Variants in TXNDC5 observed in about 807,000 individuals in gnomAD.
TXNDC5 encodes thioredoxin domain-containing protein 5.
TXNDC5 carries 44 observed loss-of-function variants against 52.6 expected under a neutral mutation model. The ratio of observed to expected loss-of-function variants is 0.84; its 90% CI spans 0.66 to 1.08. TXNDC5 has a LOEUF of 1.08. Ranked by LOEUF, TXNDC5 falls within the 50% of genes least tolerant of loss-of-function variation. The probability of loss-of-function intolerance (pLI) is 0.00; values close to 1 mark genes in which losing one functional copy is unlikely to be tolerated. For synonymous variants in TXNDC5, 241 were observed against 234.4 expected, an observed-to-expected ratio of 1.03 and a Z score of -0.26; for missense variants, 600 against 565.5, an observed-to-expected ratio of 1.06 and a Z score of -0.62.
Position 7,882,070 on chromosome 6 carries a change from C to T in TXNDC5, c.*1074G>A, listed in dbSNP as rs188067697. 124 of 152,810 alleles carry T rather than the reference C, an allele frequency of 8.1e-4. No homozygotes were observed. Among genetic ancestry groups the T allele is most frequent in the African/African-American group, 2.9e-3 (121 of 41,564 alleles). 9.5% of individuals were successfully genotyped at this position (152,810 alleles called of 1,614,324 possible). Reference sequence around the variant, plus strand: ...GCCAGAGCAGCCCACTGACATCTGTCTTTGGTCTTGAGATCAAATGCATCC... The same window carrying T: ...GCCAGAGCAGCCCACTGACATCTGTTTTTGGTCTTGAGATCAAATGCATCC... On this transcript the variant is annotated 3_prime_UTR_variant, in exon 10 of 10. Transcript: ENST00000379757.
chr6:7,899,793 CATGT>C, intron 2 of TXNDC5, 112 bp from the exon 3 acceptor site: 1 of 661,274 alleles, frequency 1.5e-6, no homozygotes, highest in Non-Finnish European at 2.6e-6. Context: ...TGCAGCCAGG[CATGT>C]ATCTGCTCCT....
chr6:7,897,445 G>C (rs1760411808), intron 3 of TXNDC5, among the ~76,000 whole-genome samples: 1 of 152,148 alleles, frequency 6.6e-6, no homozygotes, highest in Non-Finnish European at 1.5e-5. Context: ...AGAGAATTCT[G>C]GTTTGCAGTA....
chr6:7,908,985 T>C (rs1181028826), intron 1 of TXNDC5, among the ~76,000 whole-genome samples: 1 of 152,244 alleles, frequency 6.6e-6, no homozygotes, highest in Non-Finnish European at 1.5e-5. Context: ...ACTGCCTGAT[T>C]GTTTTATGTT....
chr6:7,905,323 C>T (rs929756956), intron 1 of TXNDC5, among the ~76,000 whole-genome samples: 7 of 152,144 alleles, frequency 4.6e-5, no homozygotes, highest in East Asian at 1.9e-4. Flanking sequence ...TACTTTTATT[C>T]GTCAAGTCTC....
chr6:7,889,785 G>A (rs561408283), intron 5 of TXNDC5, among the ~76,000 whole-genome samples: 3 of 152,334 alleles, frequency 2.0e-5, no homozygotes, highest in African/African-American at 7.2e-5. Flanking sequence ...GTAAAGGAAA[G>A]ACTTTAGAGG....
At chr6:7,893,046 T>C (rs918291563) in intron 4 of TXNDC5, among the ~76,000 whole-genome samples, 1 of 152,204 alleles carries the variant, frequency 6.6e-6, no homozygotes, top group Non-Finnish European at 1.5e-5. Flanking sequence ...TGTATTATAT[T>C]TTATCATAAA....
At chr6:7,885,850 A>G (rs1281304402) in intron 8 of TXNDC5, 111 bp downstream of exon 8, 2 of 915,138 alleles carry the variant, frequency 2.2e-6, no homozygotes, top group Non-Finnish European at 3.3e-6. Context: ...ACCTACATAT[A>G]AATGTAACAT....
intron 2 of TXNDC5, among the ~76,000 whole-genome samples, chr6:7,901,617 G>A (rs1381182735): frequency 6.6e-6 from 1 of 152,208 alleles, no homozygotes; most frequent in Non-Finnish European, 1.5e-5. Flanking sequence ...ACCTTGCAGT[G>A]AGTTTGGGAC....
chr6:7,887,182 C>A (rs1760012202), intron 7 of TXNDC5, among the ~76,000 whole-genome samples: 1 of 151,940 alleles, frequency 6.6e-6, no homozygotes, highest in Admixed American at 6.6e-5. Flanking sequence ...GGTGAGGAGG[C>A]CTGGTGTGGC....
At chr6:7,885,614 C>A (rs1759939257) in intron 8 of TXNDC5, among the ~76,000 whole-genome samples, 2 of 152,282 alleles carry the variant, frequency 1.3e-5, no homozygotes, top group South Asian at 4.1e-4. Context: ...AAAAGAAAAG[C>A]CATCTATTTG....
At chr6:7,888,250 G>A (rs918379496) in intron 7 of TXNDC5, among the ~76,000 whole-genome samples, 2 of 152,162 alleles carry the variant, frequency 1.3e-5, no homozygotes, top group Non-Finnish European at 2.9e-5. Context: ...TGGCCTGATC[G>A]CTGCGGATGC....
At chr6:7,899,446 G>T in intron 3 of TXNDC5, 130 bp downstream of exon 3, 1 of 553,410 alleles carries the variant, frequency 1.8e-6, no homozygotes, top group South Asian at 3.1e-5. Context: ...AAAAAAAGTA[G>T]AGTTGCTTTA....
chr6:7,908,419 A>T (rs1353959677), intron 1 of TXNDC5, among the ~76,000 whole-genome samples: 1 of 151,842 alleles, frequency 6.6e-6, no homozygotes, highest in Non-Finnish European at 1.5e-5. Context: ...GTTTTCTCTC[A>T]CTCAGCCCAG....
chr6:7,899,784 G>A, intron 2 of TXNDC5, 103 bp from the exon 3 acceptor site: 4 of 768,402 alleles, frequency 5.2e-6, no homozygotes, highest in Admixed American at 2.6e-5. Flanking sequence ...TCAAGGGGCT[G>A]CAGCCAGGCA....
At chr6:7,898,771 A>G (rs1760458812) in intron 3 of TXNDC5, among the ~76,000 whole-genome samples, 1 of 133,998 alleles carries the variant, frequency 7.5e-6, no homozygotes, top group African/African-American at 2.8e-5. Flanking sequence ...GTGGTTTATG[A>G]TCATGATGAT....
In TXNDC5 at chr6:7,886,013, A is replaced by C; in HGVS notation, c.994T>G (p.Phe332Val). The change falls in exon 8 of 10, where the codon TTC becomes GTC. Residue 332 changes from phenylalanine (F) to valine (V), a missense_variant. Coordinates refer to ENST00000379757, the MANE Select transcript of TXNDC5 (RefSeq NM_030810.5). Reference protein sequence around the residue: ...GTVLALTENNFDDTIAEGITF... With the variant: ...GTVLALTENNVDDTIAEGITF... ...ATTCCTTCTGCAATGGTGTCATCGAAGTTATTTTCAGTGAGTGCCAACACA... is the reference window on the plus strand; with the variant it reads ...ATTCCTTCTGCAATGGTGTCATCGACGTTATTTTCAGTGAGTGCCAACACA... The C allele has an allele frequency of 6.2e-7, 1 of 1,614,218 alleles. No individual in the cohort carries two copies. Among genetic ancestry groups the C allele is most frequent in the Non-Finnish European group, 8.5e-7 (1 of 1,180,026 alleles).
intron 5 of TXNDC5, among the ~76,000 whole-genome samples, 176 bp from the exon 6 acceptor site, chr6:7,889,757 A>G (rs1252897121): frequency 6.6e-6 from 1 of 152,240 alleles, no homozygotes; most frequent in Non-Finnish European, 1.5e-5. Flanking sequence ...ATGCTAAAAC[A>G]TACCTGAGCT....
rs561969296 is a variant in TXNDC5, at chr6:7,901,619, G to A, written c.414-1938C>T. On this transcript the variant is annotated intron_variant, in intron 2 of 9. Transcript: ENST00000379757. ...ACTTCTGGTCCAGACCTTGCAGTGA[G>A]TTTGGGACATCTGACTTCAATTCTC... is the stretch of plus-strand genomic sequence containing the variant. Among the ~76,000 whole-genome samples, 5 of 152,340 alleles carry A rather than the reference G, an allele frequency of 3.3e-5. No homozygotes were observed. In the South Asian group the frequency reaches 1.0e-3, roughly 32 times the overall value.
chr6:7,893,507 G>C (rs1024797660), intron 4 of TXNDC5, among the ~76,000 whole-genome samples: 1 of 152,224 alleles, frequency 6.6e-6, no homozygotes, highest in Admixed American at 6.5e-5. Context: ...CTGTGTGGCA[G>C]TGACCCACTT....
Sources: gnomAD v4.1 joint callset for allele counts (sites outside exome capture counted in the v4.1 genomes callset) on GRCh38, gnomAD v4.1.1 for gene constraint, MANE v1.5 for transcripts, NCBI Gene and HGNC (gene_info 2026-07-23, HGNC 2026-07-21) for gene names.